Variants in CCDC69 observed in about 807,000 individuals in gnomAD.
CCDC69 encodes coiled-coil domain-containing protein 69.
In CCDC69, 38 loss-of-function variants were observed where a neutral mutation model predicts 40.3. That is an observed-to-expected ratio of 0.94 (90% CI 0.73 to 1.24). CCDC69 has a LOEUF of 1.24. Among genes scored for constraint, CCDC69 ranks in the 50% most tolerant of loss-of-function variants. The pLI is 0.00. For synonymous variants in CCDC69, 141 were observed against 138.9 expected (o/e 1.02, Z -0.11); for missense variants, 389 against 357.9 (o/e 1.09, Z -0.70).
chr5:151,192,123 A>T (rs865817304), intron 4 of CCDC69, among the ~76,000 whole-genome samples: 11 of 149,062 alleles, frequency 7.4e-5, no homozygotes, highest in Non-Finnish European at 1.2e-4. Context: ...AAAGAAATAA[A>T]AAAAAAAAAA....
At chr5:151,184,985 T>A (rs248430) in intron 7 of CCDC69, 50,506 of 155,402 alleles carry the variant, frequency 0.33, 8,743 homozygotes, top group Non-Finnish European at 0.39. Flanking sequence ...ACTTTTTTTT[T>A]AAACATTCTC....
chr5:151,213,400 CCAT>C (rs1752981186), intron 1 of CCDC69, among the ~76,000 whole-genome samples: 4 of 146,092 alleles, frequency 2.7e-5, no homozygotes, highest in Admixed American at 2.0e-4. Flanking sequence ...GTGCCCACCA[CCAT>C]GTCCGGCTAT....
At chr5:151,195,413 A>G (rs1212324947) in intron 4 of CCDC69, among the ~76,000 whole-genome samples, 1 of 152,166 alleles carries the variant, frequency 6.6e-6, no homozygotes, top group Non-Finnish European at 1.5e-5. Context: ...TCAACAGGGT[A>G]TGGTATTATT....
chr5:151,223,046 G>T (rs1753157301), intron 1 of CCDC69, among the ~76,000 whole-genome samples: 1 of 152,158 alleles, frequency 6.6e-6, no homozygotes. Context: ...ACCTGGCTAG[G>T]GGGCAGGTAG....
chr5:151,222,754 G>C (rs566402029), intron 1 of CCDC69, among the ~76,000 whole-genome samples: 1 of 152,220 alleles, frequency 6.6e-6, no homozygotes, highest in Non-Finnish European at 1.5e-5. Flanking sequence ...TTCCCTGTTG[G>C]AGTGAGTAAA....
At chr5:151,222,202 C>A (rs980766988) in intron 1 of CCDC69, among the ~76,000 whole-genome samples, 1 of 152,250 alleles carries the variant, frequency 6.6e-6, no homozygotes, top group Non-Finnish European at 1.5e-5. Context: ...CCTTAACCTC[C>A]TATCTGTATA....
chr5:151,224,035 G>A lies in CCDC69; in HGVS notation c.-65C>T, dbSNP rs1753178777. ...GGGCCCCCAGAGGAGCCTGCGATCC[G>A]GGCCCCGCTGCCCGCTCCGCGCCCG... is the stretch of plus-strand genomic sequence containing the variant. On this transcript the variant is annotated 5_prime_UTR_variant, in exon 1 of 9. Coordinates refer to ENST00000355417, the MANE Select transcript of CCDC69 (RefSeq NM_015621.3). 5.0e-6 allele frequency: 7 copies of A among 1,405,358 alleles called. No individual in the cohort carries two copies. The Admixed American group carries it at 1.7e-4, about 33-fold the overall frequency. 87.1% of individuals were successfully genotyped at this position (1,405,358 alleles called of 1,614,324 possible). A position where few individuals can be genotyped will look rare whatever the true frequency, so the allele number is the denominator to read the frequency against.
Position 151,190,325 on chromosome 5 carries a change from G to A in CCDC69, c.320-2866C>T, listed in dbSNP as rs559301918. On this transcript the variant is annotated intron_variant, in intron 4 of 8. Transcript: ENST00000355417. ...GTAACAAAAATGGGAGAGAACAGAG[G>A]AACCTACATGACGGTAAGCTTTTTA... 1.7e-3 allele frequency among the ~76,000 whole-genome samples: 263 copies of A among 152,260 alleles called. 3 individuals are homozygous for A. Among genetic ancestry groups the A allele is most frequent in the African/African-American group, 6.1e-3 (254 of 41,560 alleles).
intron 4 of CCDC69, among the ~76,000 whole-genome samples, chr5:151,198,153 G>A (rs1049566149): frequency 1.3e-5 from 2 of 152,054 alleles, no homozygotes; most frequent in Non-Finnish European, 2.9e-5. Flanking sequence ...ATTCTATCTC[G>A]GTCTATCTAT....
intron 4 of CCDC69, among the ~76,000 whole-genome samples, chr5:151,189,840 A>G (rs1377659967): frequency 6.6e-6 from 1 of 152,226 alleles, no homozygotes; most frequent in African/African-American, 2.4e-5. Context: ...AAACTGCTGG[A>G]AAATGTTGAT....
intron 4 of CCDC69, among the ~76,000 whole-genome samples, chr5:151,194,888 T>A (rs1482298685): frequency 3.2e-5 from 2 of 61,756 alleles, no homozygotes; most frequent in East Asian, 3.7e-4. Flanking sequence ...CGAGCCTCCA[T>A]CTCAAAAAAA....
At position 151,183,437 on chromosome 5, in the gene CCDC69, C is replaced by T; in HGVS notation, c.891G>A (p.Ter297=). 6.3e-7 allele frequency: 1 copy of T among 1,599,980 alleles called. No individual in the cohort carries two copies. Among genetic ancestry groups the T allele is most frequent in the Non-Finnish European group, 8.5e-7 (1 of 1,174,734 alleles). Residue 297 remains the stop codon, a stop_retained_variant, in exon 9 of 9, where the codon TAG becomes TAA. Coordinates refer to ENST00000355417, the MANE Select transcript of CCDC69 (RefSeq NM_015621.3). ...TCGTGGTGGGCCCAGGCCCTGCACC[C>T]TATGTGGCGAGGAAAGAGACCTCAG... The part of the protein sequence containing the change: ...TPTEVSFLAT[*]
rs1766690308 is a variant in CCDC69 at position 151,184,399 on chromosome 5, G to A, written c.658C>T (p.Gln220Ter). The change falls in exon 8 of 9, where the codon CAA (glutamine) becomes TAA (stop). Residue 220 changes from glutamine (Q) to a stop codon, truncating the protein, a stop_gained. Transcript: ENST00000355417. LOFTEE classifies it high-confidence loss of function. The part of the protein sequence containing the change: ...LILEEKITTL[Q>*]QENEDLHVRS... ...ACATGGAGGTCCTCATTTTCCTGTT[G>A]CAGGGTCGTAATTTTTTCCTCCAAT... The A allele has an allele frequency of 6.2e-7, 1 of 1,614,084 alleles. No individual in the cohort carries two copies. The highest frequency in any genetic ancestry group is 1.1e-5 in the South Asian group (1 of 91,072).
At chr5:151,187,329 T>C in intron 5 of CCDC69, 57 bp downstream of exon 5, 1 of 1,514,266 alleles carries the variant, frequency 6.6e-7, no homozygotes, top group South Asian at 1.1e-5. Context: ...CCATGCTGCT[T>C]TCCCATTGGT....
chr5:151,213,183 G>T (rs922521185), intron 1 of CCDC69, among the ~76,000 whole-genome samples: 3 of 152,164 alleles, frequency 2.0e-5, no homozygotes, highest in African/African-American at 7.2e-5. Context: ...GCATTTTGGG[G>T]TGAATGGCTG....
At chr5:151,217,748 A>G (rs2114004932) in intron 1 of CCDC69, among the ~76,000 whole-genome samples, 1 of 152,310 alleles carries the variant, frequency 6.6e-6, no homozygotes, top group African/African-American at 2.4e-5. Flanking sequence ...TCACTGGATT[A>G]GGGCCCATCC....
chr5:151,189,528 C>A (rs1312787630), intron 4 of CCDC69, among the ~76,000 whole-genome samples: 1 of 151,384 alleles, frequency 6.6e-6, no homozygotes, highest in Non-Finnish European at 1.5e-5. Flanking sequence ...ACATTACTAT[C>A]ATCACAGTCA....
intron 4 of CCDC69, among the ~76,000 whole-genome samples, chr5:151,192,028 T>G (rs765517280): frequency 2.3e-5 from 3 of 132,354 alleles, no homozygotes; most frequent in Non-Finnish European, 4.6e-5. Context: ...GAGGCTGCCC[T>G]GAGCTATGAT....
intron 4 of CCDC69, among the ~76,000 whole-genome samples, chr5:151,193,524 G>T (rs1366874580): frequency 6.7e-6 from 1 of 148,754 alleles, no homozygotes. Flanking sequence ...GGAAAGAAAA[G>T]AAAAGAAAAA....
Sources: allele counts gnomAD v4.1 joint callset (sites outside exome capture counted in the v4.1 genomes callset), GRCh38; gene constraint gnomAD v4.1.1; transcripts MANE v1.5; gene names NCBI Gene and HGNC (gene_info 2026-07-23, HGNC 2026-07-21).